The following ACYP2 variants were observed in gnomAD, a reference collection of about 807,000 sequenced individuals.
The protein encoded by ACYP2 is acylphosphatase-2.
ACYP2 carries 12 observed loss-of-function variants against 11.2 expected under a neutral mutation model. The observed-to-expected ratio is 1.08, with a 90% confidence interval of 0.69 to 1.74. The LOEUF is 1.74. ACYP2 is among the 40% of genes most tolerant of loss of function. ACYP2 has a pLI of 0.00. For missense variants in ACYP2, 134 were observed against 101.9 expected (o/e 1.31, Z -1.35); for synonymous variants, 43 against 32.2 (o/e 1.33, Z -1.13).
At chr2:54,115,825 G>A (rs1679741079) in intron 4 of ACYP2, 69 bp downstream of exon 1, 6 of 1,455,544 alleles carry the variant, frequency 4.1e-6, no homozygotes, top group Middle Eastern at 1.8e-4. Flanking sequence ...TGTGAGAAGC[G>A]CCTCCCACCT....
chr2:54,062,199 C>T (rs996094707), intron 4 of ACYP2, among the ~76,000 whole-genome samples: 2 of 152,176 alleles, frequency 1.3e-5, no homozygotes, highest in Non-Finnish European at 2.9e-5. Flanking sequence ...CTGTTTCTCA[C>T]AGGAAGGCAT....
intron 6 of ACYP2, among the ~76,000 whole-genome samples, chr2:54,162,066 C>T (rs1323374507): frequency 6.6e-6 from 1 of 152,024 alleles, no homozygotes; most frequent in Non-Finnish European, 1.5e-5. Context: ...TGTTCAATTG[C>T]TGGACCAAAT....
At chr2:54,067,541 C>T (rs995856510) in intron 4 of ACYP2, among the ~76,000 whole-genome samples, 9 of 152,296 alleles carry the variant, frequency 5.9e-5, no homozygotes, top group Admixed American at 5.9e-4. Flanking sequence ...TATTTAGAGA[C>T]AGTGCCTACT....
intron 6 of ACYP2, among the ~76,000 whole-genome samples, chr2:54,233,525 G>T (rs1310397174): frequency 6.6e-6 from 1 of 151,924 alleles, no homozygotes; most frequent in Non-Finnish European, 1.5e-5. Context: ...GGTTGGTCTT[G>T]AACTCCTGAG....
intron 4 of ACYP2, among the ~76,000 whole-genome samples, chr2:54,083,769 A>G (rs895473196): frequency 2.0e-5 from 3 of 152,022 alleles, no homozygotes; most frequent in Non-Finnish European, 4.4e-5. Context: ...GGGCATAAAC[A>G]TCTTTAAAAC....
intron 4 of ACYP2, among the ~76,000 whole-genome samples, chr2:54,107,789 T>G (rs983921232): frequency 6.6e-6 from 1 of 152,198 alleles, no homozygotes; most frequent in African/African-American, 2.4e-5. Flanking sequence ...AATTCAAATG[T>G]TGAGATCAGA....
chr2:54,076,604 A>G (rs1677356225), intron 4 of ACYP2, among the ~76,000 whole-genome samples: 1 of 152,254 alleles, frequency 6.6e-6, no homozygotes, highest in African/African-American at 2.4e-5. Context: ...ATTTTTATAT[A>G]GAATATCATT....
At chr2:54,160,940 T>C (rs1295516324) in intron 6 of ACYP2, among the ~76,000 whole-genome samples, 1 of 152,168 alleles carries the variant, frequency 6.6e-6, no homozygotes, top group Non-Finnish European at 1.5e-5. Context: ...ATTTGGAAGA[T>C]TGGAAAATAT....
intron 4 of ACYP2, among the ~76,000 whole-genome samples, chr2:54,091,229 A>G (rs1678205842): frequency 2.0e-5 from 3 of 152,214 alleles, no homozygotes; most frequent in Admixed American, 2.0e-4. Flanking sequence ...ACTATAACTA[A>G]GTTGGAGGAC....
intron 6 of ACYP2, among the ~76,000 whole-genome samples, chr2:54,297,216 G>A (rs377500910): frequency 1.2e-4 from 18 of 148,160 alleles, no homozygotes; most frequent in East Asian, 1.2e-3. Context: ...TTATCTGGCC[G>A]AGTGCAGTGG....
intron 6 of ACYP2, among the ~76,000 whole-genome samples, chr2:54,148,189 G>C (rs1268304811): frequency 2.0e-5 from 3 of 152,000 alleles, no homozygotes; most frequent in Admixed American, 2.0e-4. Flanking sequence ...GCTCAAATAG[G>C]GTCATATGGT....
At chr2:54,076,413 T>C (rs1276862508) in intron 4 of ACYP2, among the ~76,000 whole-genome samples, 2 of 152,190 alleles carry the variant, frequency 1.3e-5, no homozygotes, top group East Asian at 1.9e-4. Flanking sequence ...CTTAAAGAGA[T>C]TGAGAAGCTC....
intron 5 of ACYP2, among the ~76,000 whole-genome samples, chr2:54,137,177 T>G (rs1681296631): frequency 1.3e-5 from 2 of 152,116 alleles, no homozygotes; most frequent in African/African-American, 4.8e-5. Context: ...CTGTGCCAAG[T>G]CCAGAGCCAA....
chr2:54,196,998 C>G (rs1291861189), intron 6 of ACYP2, among the ~76,000 whole-genome samples: 5 of 152,202 alleles, frequency 3.3e-5, no homozygotes, highest in Non-Finnish European at 7.3e-5. Flanking sequence ...TAGCACAACA[C>G]TGAGTTAAAA....
intron 2 of ACYP2, among the ~76,000 whole-genome samples, chr2:53,978,776 AG>A: frequency 6.6e-6 from 1 of 152,324 alleles, no homozygotes; most frequent in South Asian, 2.1e-4. Context: ...CAAAAACATT[AG>A]CCAGGTATGG....
intron 4 of ACYP2, among the ~76,000 whole-genome samples, chr2:54,104,753 A>C (rs1679062030): frequency 6.6e-6 from 1 of 152,228 alleles, no homozygotes; most frequent in African/African-American, 2.4e-5. Flanking sequence ...GAAGCTTTTT[A>C]ACAACTGCTG....
At chr2:54,162,929 G>A (rs1028223368) in intron 6 of ACYP2, among the ~76,000 whole-genome samples, 1 of 152,126 alleles carries the variant, frequency 6.6e-6, no homozygotes, top group African/African-American at 2.4e-5. Context: ...TCAAGGCTGC[G>A]GTGAATCGTG....
chr2:54,117,411 C>T (rs1364164922), intron 4 of ACYP2, among the ~76,000 whole-genome samples: 2 of 152,190 alleles, frequency 1.3e-5, no homozygotes, highest in South Asian at 2.1e-4. Flanking sequence ...TCTTCTGCCT[C>T]AGCCTTCTAA....
At chr2:54,192,852 C>T (rs1351428123) in intron 6 of ACYP2, among the ~76,000 whole-genome samples, 1 of 152,068 alleles carries the variant, frequency 6.6e-6, no homozygotes, top group Non-Finnish European at 1.5e-5. Flanking sequence ...AGGGGAAATG[C>T]CAGACACTTA....
Sources: gnomAD v4.1 joint callset for allele counts (sites outside exome capture counted in the v4.1 genomes callset) on GRCh38, gnomAD v4.1.1 for gene constraint, MANE v1.5 for transcripts, NCBI Gene and HGNC (gene_info 2026-07-23, HGNC 2026-07-21) for gene names.